Variants in TIE1 observed in about 807,000 individuals in gnomAD.
The protein encoded by TIE1 is tyrosine kinase with immunoglobulin like and EGF like domains 1.
Under a neutral mutation model 130.5 loss-of-function variants are expected in TIE1, and 89 were observed. The observed-to-expected ratio is 0.68, with a 90% CI of 0.57 to 0.81. TIE1 has a LOEUF of 0.81. Ranked by LOEUF, TIE1 falls within the 40% of genes least tolerant of loss-of-function variation. TIE1 has a pLI of 0.00. For synonymous variants in TIE1, 568 were observed against 629.4 expected, an observed-to-expected ratio of 0.90 and a Z score of 1.46; for missense variants, 1,392 against 1,559.8, an observed-to-expected ratio of 0.89 and a Z score of 1.81.
At position 43,309,794 on chromosome 1, in the gene TIE1, C is replaced by T. The variant is rs995986857; in HGVS notation, c.1333+262C>T. Among the ~76,000 whole-genome samples the T allele has an allele frequency of 6.6e-6, 1 of 152,090 alleles. No individual in the cohort carries two copies. Among genetic ancestry groups the T allele is most frequent in the African/African-American group, 2.4e-5 (1 of 41,388 alleles). ...CTCCAGCCCCGCCCTTCCTCCTGCC[C>T]AGCCATGCTGTCCCCCACCAACCGT... On this transcript the variant is annotated intron_variant, in intron 9 of 22. Coordinates refer to ENST00000372476, the MANE Select transcript of TIE1 (RefSeq NM_005424.5). This position sits in a 1 kb window ranked among gnomAD's most constrained non-coding sequence, Gnocchi z 6.3.
At position 43,322,597 on chromosome 1, in the gene TIE1, G is replaced by A; in HGVS notation, c.3346-54G>A. On this transcript the variant is annotated intron_variant, in intron 22 of 22. Coordinates refer to ENST00000372476, the MANE Select transcript of TIE1 (RefSeq NM_005424.5). This position sits in a 1 kb window ranked among gnomAD's most constrained non-coding sequence, Gnocchi z 4.0. ...CCACCACATGGAAGTCCAGGAGCTT[G>A]AGGCCAGATGCACCCCCATTCCTGG... 6.8e-7 allele frequency: 1 copy of A among 1,477,526 alleles called. No individual in the cohort carries two copies. The highest frequency in any genetic ancestry group is 9.5e-7 in the Non-Finnish European group (1 of 1,057,746). 91.5% of individuals were successfully genotyped at this position (1,477,526 alleles called of 1,614,324 possible). A position where few individuals can be genotyped will look rare whatever the true frequency, so the allele number is the denominator to read the frequency against.
chr1:43,320,857 AAAATAAATAAAT>A (rs144637658), intron 19 of TIE1: 7,452 of 141,266 alleles, frequency 0.053, 675 homozygotes, highest in African/African-American at 0.18. Context: ...TCTGTCTCAA[AAAATAAATAAAT>A]AAATAAATAA....
chr1:43,322,200 G>A lies in TIE1; in HGVS notation c.3346-451G>A, dbSNP rs752154790. The stretch of plus-strand genomic sequence containing the variant: ...TTCAATAACTCAATCTACTAACCAT[G>A]TGAATAAGTGAATTATCAAATAAAT... On this transcript the variant is annotated intron_variant, in intron 22 of 22. Transcript: ENST00000372476. This position sits in a 1 kb window ranked among gnomAD's most constrained non-coding sequence, Gnocchi z 4.0. Among the ~76,000 whole-genome samples the A allele has an allele frequency of 1.3e-4, 20 of 152,166 alleles. No homozygotes were observed. The highest frequency in any genetic ancestry group is 2.4e-4 in the Non-Finnish European group (16 of 68,036).
Position 43,319,811 on chromosome 1 carries a change from C to T in TIE1, c.3107+282C>T, listed in dbSNP as rs1181870071. The T allele has an allele frequency of 1.1e-5, 5 of 447,832 alleles. No individual in the cohort carries two copies. Among genetic ancestry groups the T allele is most frequent in the African/African-American group, 5.9e-5 (3 of 50,474 alleles). 27.7% of individuals were successfully genotyped at this position (447,832 alleles called of 1,614,324 possible). A position where few individuals can be genotyped will look rare whatever the true frequency, so the allele number is the denominator to read the frequency against. ...CCTTGGAGAGGTTTGGGAATGCTGG[C>T]GGATGCTTCCTGAGGTAGATGGAGA... On this transcript the variant is annotated intron_variant, in intron 19 of 22. Coordinates refer to ENST00000372476, the MANE Select transcript of TIE1 (RefSeq NM_005424.5). The surrounding 1 kb of genome is among the most constrained non-coding windows in gnomAD (Gnocchi z 4.7).
chr1:43,307,753 C>A lies in TIE1; in HGVS notation c.914-43C>A. On this transcript the variant is annotated intron_variant, in intron 6 of 22. Transcript: ENST00000372476. The surrounding 1 kb of genome is among the most constrained non-coding windows in gnomAD (Gnocchi z 5.4). ...GCGCCCTCATCTGTGCCCTCATTGC[C>A]CCCTGTCCCATGCCCCTCTAATCAT... 1 of 1,612,120 alleles carries A rather than the reference C, an allele frequency of 6.2e-7. No individual in the cohort carries two copies. Among genetic ancestry groups the A allele is most frequent in the Non-Finnish European group, 8.5e-7 (1 of 1,178,576 alleles).
chr1:43,306,778 C>T lies in TIE1; in HGVS notation c.485-62C>T. 1 of 1,539,734 alleles carries T rather than the reference C, an allele frequency of 6.5e-7. No homozygotes were observed. Among genetic ancestry groups the T allele is most frequent in the Non-Finnish European group, 8.8e-7 (1 of 1,141,812 alleles). ...TTGATGTGAGCTGAGCAGAGGTGGA[C>T]AGAGAGAGGTGACACAGCCCTCATG... On this transcript the variant is annotated intron_variant, in intron 3 of 22. Coordinates refer to ENST00000372476, the MANE Select transcript of TIE1 (RefSeq NM_005424.5). The surrounding 1 kb of genome is among the most constrained non-coding windows in gnomAD (Gnocchi z 4.9).
In TIE1 at chr1:43,312,321, G is replaced by A. The variant is rs540186132; in HGVS notation, c.1647G>A (p.Pro549=). 43 of 1,551,830 alleles carry A rather than the reference G, an allele frequency of 2.8e-5. No individual in the cohort carries two copies. The East Asian group carries it at 3.2e-4, about 11-fold the overall frequency. The change falls in exon 12 of 23, where the codon CCG becomes CCA. Residue 549 remains proline, a synonymous_variant. Coordinates refer to ENST00000372476, the MANE Select transcript of TIE1 (RefSeq NM_005424.5). This position sits in a 1 kb window ranked among gnomAD's most constrained non-coding sequence, Gnocchi z 5.6. The stretch of plus-strand genomic sequence containing the variant: ...TGGCCCCAGAGCCTTTGTTGCAGCC[G>A]TGGTTGGAGGGCTGGCATGTGGAAG... ...TTDCPEPLLQ[P]WLEGWHVEGT...
chr1:43,317,917 G>T lies in TIE1; in HGVS notation c.2767G>T (p.Gly923Trp), dbSNP rs532466120. Residue 923 changes from glycine to tryptophan, a missense_variant, in exon 17 of 23, where the codon GGG (glycine) becomes TGG (tryptophan). Gly to Trp is a radical substitution (Grantham distance 184). Coordinates refer to ENST00000372476, the MANE Select transcript of TIE1 (RefSeq NM_005424.5). The surrounding 1 kb of genome is among the most constrained non-coding windows in gnomAD (Gnocchi z 5.1). The stretch of plus-strand genomic sequence containing the variant: ...TATCGCTATTGAATATGCCCCCTAC[G>T]GGAACCTGCTAGATTTTCTGCGGAA... ...LYIAIEYAPYGNLLDFLRKSR... is the reference protein window; with the variant it reads ...LYIAIEYAPYWNLLDFLRKSR... The T allele has an allele frequency of 6.2e-7, 1 of 1,614,116 alleles. No individual in the cohort carries two copies. Among genetic ancestry groups the T allele is most frequent in the Admixed American group, 1.7e-5 (1 of 60,014 alleles).
chr1:43,304,991 G>A lies in TIE1; in HGVS notation c.199G>A (p.Asp67Asn), dbSNP rs369997693. 12 of 1,506,826 alleles carry A rather than the reference G, an allele frequency of 8.0e-6. No homozygotes were observed. The highest frequency in any genetic ancestry group is 2.4e-5 in the East Asian group (1 of 41,876). 93.3% of individuals were successfully genotyped at this position (1,506,826 alleles called of 1,614,324 possible). The change falls in exon 2 of 23, where the codon GAC (aspartate) becomes AAC (asparagine). Residue 67 changes from aspartate to asparagine, a missense_variant. Transcript: ENST00000372476. ...WGPPLLLEKD[D>N]RIVRTPPGPP... ...CCCGCCCCTGCTGCTGGAGAAGGAC[G>A]ACCGTATCGTGCGCACCCCGCCCGG...
At chr1:43,301,607 C>T (rs1482551417) in intron 1 of TIE1, among the ~76,000 whole-genome samples, 2 of 151,608 alleles carry the variant, frequency 1.3e-5, no homozygotes, top group East Asian at 1.9e-4. Flanking sequence ...TGTGGTGGCT[C>T]ACGCCTGTAA....
At chr1:43,321,241 G>A (rs1476695420) in intron 19 of TIE1, 28 bp from the exon 20 acceptor site, 1 of 1,613,952 alleles carries the variant, frequency 6.2e-7, no homozygotes, top group Non-Finnish European at 8.5e-7. Context: ...GGCCTAGAAG[G>A]TAACTAAGTG....
rs551257128 is a variant in TIE1, at chr1:43,319,098, C to T, written c.2923-137C>T. 20 of 658,136 alleles carry T rather than the reference C, an allele frequency of 3.0e-5. No homozygotes were observed. The East Asian group carries it at 4.1e-4, about 13-fold the overall frequency. The allele number at this position is 658,136 out of a possible 1,614,324, so 40.8% of individuals were successfully genotyped here. The stretch of plus-strand genomic sequence containing the variant: ...TCTTTCTCAGATATGAGTCAGCTGA[C>T]GAGATTGCAGCCAGGAGGGTAGGAG... On this transcript the variant is annotated intron_variant, in intron 17 of 22. Transcript: ENST00000372476. This position sits in a 1 kb window ranked among gnomAD's most constrained non-coding sequence, Gnocchi z 4.7.
At chr1:43,301,740 G>A (rs1156299605) in intron 1 of TIE1, among the ~76,000 whole-genome samples, 2 of 152,084 alleles carry the variant, frequency 1.3e-5, no homozygotes, top group South Asian at 2.1e-4. Context: ...GTGGTGGCAG[G>A]AGCCTGTAAT....
chr1:43,321,930 A>T (rs1355170852), intron 22 of TIE1, among the ~76,000 whole-genome samples: 1 of 152,114 alleles, frequency 6.6e-6, no homozygotes, highest in East Asian at 1.9e-4. Context: ...TTCCAAGGCC[A>T]CTGCTTAGCC....
intron 1 of TIE1, among the ~76,000 whole-genome samples, chr1:43,303,369 A>T (rs1265598493): frequency 6.6e-6 from 1 of 152,136 alleles, no homozygotes; most frequent in East Asian, 1.9e-4. Context: ...AATTACCATG[A>T]TCCTCCTCTG....
In TIE1 at chr1:43,322,525, G is replaced by A; in HGVS notation, c.3346-126G>A. 1 of 718,296 alleles carries A rather than the reference G, an allele frequency of 1.4e-6. No homozygotes were observed. The allele number at this position is 718,296 out of a possible 1,614,324, so 44.5% of individuals were successfully genotyped here. ...CTGGTAAAGGCCACTCTTGGCCATG[G>A]GGCCATCTTAGGTCTCCAGAACAAA... On this transcript the variant is annotated intron_variant, in intron 22 of 22. Transcript: ENST00000372476. This position sits in a 1 kb window ranked among gnomAD's most constrained non-coding sequence, Gnocchi z 4.0.
rs755106113 is a variant in TIE1 at position 43,313,967 on chromosome 1, C to T, written c.2408C>T (p.Ser803Leu). 5.1e-5 allele frequency: 83 copies of T among 1,614,030 alleles called. 1 individual carries two copies. The highest frequency in any genetic ancestry group is 3.3e-4 in the Middle Eastern group (2 of 6,062). ...RRRTFTYQSG[S>L]GEETILQFSS... ...CGCACCTTCACCTACCAGTCAGGCT[C>T]GGTCAGTGACCCGCCCCGCCCCTGG... The change falls in exon 14 of 23, where the codon TCG (serine) becomes TTG (leucine). Residue 803 changes from serine (S) to leucine (L), a missense_variant and splice_region_variant. This residue lies in a region of TIE1 where 286 missense variants were observed against 354.4 expected (regional missense o/e 0.81). Transcript: ENST00000372476. The surrounding 1 kb of genome is among the most constrained non-coding windows in gnomAD (Gnocchi z 6.2).
Position 43,309,873 on chromosome 1 carries a change from C to T in TIE1, c.1333+341C>T, listed in dbSNP as rs1346441308. Among the ~76,000 whole-genome samples the T allele has an allele frequency of 4.6e-5, 7 of 152,186 alleles. No individual in the cohort carries two copies. The highest frequency in any genetic ancestry group is 1.7e-4 in the African/African-American group (7 of 41,456). The stretch of plus-strand genomic sequence containing the variant: ...TGCTCTGGGATGCTGCCTCCCATCT[C>T]TGAGTCACCCCACAGACACTCAGTG... On this transcript the variant is annotated intron_variant, in intron 9 of 22. Transcript: ENST00000372476. The surrounding 1 kb of genome is among the most constrained non-coding windows in gnomAD (Gnocchi z 6.3).
At position 43,312,296 on chromosome 1, in the gene TIE1, T is replaced by G; in HGVS notation, c.1631-9T>G. ...CTGGACAGTTCTGACCCCTGACCTC[T>G]GGCCCCAGAGCCTTTGTTGCAGCCG... On this transcript the variant is annotated splice_polypyrimidine_tract_variant and intron_variant, in intron 11 of 22. Coordinates refer to ENST00000372476, the MANE Select transcript of TIE1 (RefSeq NM_005424.5). This position sits in a 1 kb window ranked among gnomAD's most constrained non-coding sequence, Gnocchi z 5.6. 1 of 1,541,656 alleles carries G rather than the reference T, an allele frequency of 6.5e-7. No individual in the cohort carries two copies. Among genetic ancestry groups the G allele is most frequent in the Non-Finnish European group, 8.8e-7 (1 of 1,142,570 alleles).
Sources: allele counts gnomAD v4.1 joint callset (sites outside exome capture counted in the v4.1 genomes callset), GRCh38; gene constraint gnomAD v4.1.1; regional missense constraint gnomAD v4.1.1; non-coding constraint Gnocchi (gnomAD v3.1); transcripts MANE v1.5; gene names NCBI Gene and HGNC (gene_info 2026-07-23, HGNC 2026-07-21).